The following CDH13 variants were observed in gnomAD, a reference collection of about 807,000 sequenced individuals.
CDH13 encodes cadherin 13.
CDH13 carries 24 observed loss-of-function variants against 63.8 expected under a neutral mutation model. That is an observed-to-expected ratio of 0.38 (90% confidence interval 0.27 to 0.53). The LOEUF (loss-of-function observed/expected upper bound fraction) is 0.53. Among genes scored for constraint, CDH13 ranks in the 20% least tolerant of loss-of-function variants. The pLI is 0.85. For synonymous variants in CDH13, 503 were observed against 355.3 expected (o/e 1.42, Z -4.67); for missense variants, 1,049 against 903.1 (o/e 1.16, Z -2.07).
At chr16:83,761,386 C>G (rs880640) in intron 11 of CDH13, among the ~76,000 whole-genome samples, 41,113 of 152,054 alleles carry the variant, frequency 0.27, 5,685 homozygotes, top group Non-Finnish European at 0.31. Flanking sequence ...GGCTAGATTA[C>G]ATTTCACTGA....
At chr16:83,259,433 C>T (rs1355288273) in intron 5 of CDH13, among the ~76,000 whole-genome samples, 2 of 152,072 alleles carry the variant, frequency 1.3e-5, no homozygotes, top group East Asian at 3.9e-4. Flanking sequence ...TATGGCTGTA[C>T]CCACCTCCCT....
intron 3 of CDH13, among the ~76,000 whole-genome samples, chr16:83,033,829 G>C (rs943127828): frequency 4.6e-5 from 7 of 152,164 alleles, no homozygotes; most frequent in African/African-American, 1.7e-4. Flanking sequence ...GCCAAACAAT[G>C]ACTTAATGAT....
intron 2 of CDH13, among the ~76,000 whole-genome samples, chr16:82,874,968 A>T (rs1286224968): frequency 6.6e-6 from 1 of 152,180 alleles, no homozygotes; most frequent in African/African-American, 2.4e-5. Context: ...TCCAAAAGGG[A>T]CATGGAGGCC....
At chr16:82,717,284 A>G (rs1892640501) in intron 1 of CDH13, among the ~76,000 whole-genome samples, 1 of 151,946 alleles carries the variant, frequency 6.6e-6, no homozygotes, top group Non-Finnish European at 1.5e-5. Context: ...AAAATACAAA[A>G]AATTAATAAG....
chr16:82,868,881 C>G (rs943822416), intron 2 of CDH13, among the ~76,000 whole-genome samples: 1 of 152,156 alleles, frequency 6.6e-6, no homozygotes, highest in East Asian at 1.9e-4. Context: ...AAGGCCGATC[C>G]TTTACCAACT....
chr16:82,950,397 C>T (rs142473347), intron 2 of CDH13, among the ~76,000 whole-genome samples: 1,882 of 152,166 alleles, frequency 0.012, 16 homozygotes, highest in Middle Eastern at 0.037. Context: ...AATTGTAGCT[C>T]CCATAATTCC....
intron 3 of CDH13, among the ~76,000 whole-genome samples, chr16:83,052,824 A>G (rs1381675589): frequency 6.6e-6 from 1 of 151,632 alleles, no homozygotes; most frequent in Non-Finnish European, 1.5e-5. Flanking sequence ...TAAACCTTAA[A>G]TAGCAAAATA....
At chr16:83,726,697 G>T (rs536642874) in intron 10 of CDH13, among the ~76,000 whole-genome samples, 3 of 152,138 alleles carry the variant, frequency 2.0e-5, no homozygotes, top group Admixed American at 6.5e-5. Context: ...AATTAGCCGA[G>T]CGTGGAGGCG....
At chr16:83,021,105 C>G (rs1380862981) in intron 2 of CDH13, among the ~76,000 whole-genome samples, 1 of 152,162 alleles carries the variant, frequency 6.6e-6, no homozygotes, top group Non-Finnish European at 1.5e-5. Context: ...TTTGGTGATT[C>G]TCAAACTTGC....
intron 13 of CDH13, among the ~76,000 whole-genome samples, chr16:83,788,368 C>G (rs1916025030): frequency 6.6e-6 from 1 of 152,084 alleles, no homozygotes; most frequent in Non-Finnish European, 1.5e-5. Context: ...GCCTCTAGCT[C>G]AAAGCCCAGT....
At chr16:83,774,611 T>C (rs1914981777) in intron 11 of CDH13, among the ~76,000 whole-genome samples, 1 of 152,176 alleles carries the variant, frequency 6.6e-6, no homozygotes, top group African/African-American at 2.4e-5. Context: ...TGACCTCAAG[T>C]GATCTGCCCA....
intron 1 of CDH13, among the ~76,000 whole-genome samples, chr16:82,752,978 A>C (rs2034477381): frequency 6.6e-6 from 1 of 152,272 alleles, no homozygotes; most frequent in Admixed American, 6.5e-5. Context: ...TAAAAGAGTT[A>C]AGAAGTGATG....
intron 7 of CDH13, among the ~76,000 whole-genome samples, chr16:83,558,063 T>A (rs2075637138): frequency 6.6e-6 from 1 of 152,172 alleles, no homozygotes. Context: ...CCAGCAATGC[T>A]CACACAGTCT....
intron 13 of CDH13, 123 bp downstream of exon 13, chr16:83,783,595 T>C: frequency 1.3e-6 from 1 of 797,316 alleles, no homozygotes; most frequent in Non-Finnish European, 2.2e-6. Flanking sequence ...CATTCATCTT[T>C]AGTGTATGTC....
At chr16:83,739,845 C>G (rs561066494) in intron 10 of CDH13, 1 of 152,180 alleles carries the variant, frequency 6.6e-6, no homozygotes, top group Non-Finnish European at 1.5e-5. Context: ...TCAGTGTGTG[C>G]GGGCCACTCT....
intron 1 of CDH13, among the ~76,000 whole-genome samples, chr16:82,855,688 G>A (rs541773631): frequency 7.2e-5 from 11 of 152,262 alleles, no homozygotes; most frequent in Admixed American, 2.0e-4. Context: ...ATTCACAAGC[G>A]GAACCGTACA....
At chr16:83,225,822 A>G (rs1163070995) in intron 5 of CDH13, among the ~76,000 whole-genome samples, 2 of 152,170 alleles carry the variant, frequency 1.3e-5, no homozygotes, top group Non-Finnish European at 2.9e-5. Flanking sequence ...CTGTTGTGTT[A>G]CTATAACTTG....
chr16:82,688,105 G>T (rs1218184082), intron 1 of CDH13, among the ~76,000 whole-genome samples: 1 of 152,140 alleles, frequency 6.6e-6, no homozygotes, highest in African/African-American at 2.4e-5. Flanking sequence ...CTGGGTTACT[G>T]GGGTTTCTGT....
chr16:82,876,359 A>C lies in CDH13; in HGVS notation c.157+17886A>C, dbSNP rs545175023. Among the ~76,000 whole-genome samples the C allele has an allele frequency of 2.6e-5, 4 of 152,372 alleles. No individual in the cohort carries two copies. The South Asian group carries it at 8.3e-4, about 32-fold the overall frequency. Reference sequence around the variant, plus strand: ...AATAGTACATTTTCCTAGATAATTAAATAATCTTTGAATTGACAAGTTAAT... The same window carrying C: ...AATAGTACATTTTCCTAGATAATTACATAATCTTTGAATTGACAAGTTAAT... On this transcript the variant is annotated intron_variant, in intron 2 of 13. Transcript: ENST00000567109.
Sources: gnomAD v4.1 joint callset for allele counts (sites outside exome capture counted in the v4.1 genomes callset) on GRCh38, gnomAD v4.1.1 for gene constraint, MANE v1.5 for transcripts, NCBI Gene and HGNC (gene_info 2026-07-23, HGNC 2026-07-21) for gene names.